The following SYN2 variants were observed in gnomAD, a reference collection of about 807,000 sequenced individuals.
The protein encoded by SYN2 is synapsin II.
Under a neutral mutation model 50.9 loss-of-function variants are expected in SYN2, and 19 were observed. The ratio of observed to expected loss-of-function variants is 0.37; its 90% CI spans 0.26 to 0.55. The LOEUF (loss-of-function observed/expected upper bound fraction) is 0.55. Among genes scored for constraint, SYN2 ranks in the 20% least tolerant of loss-of-function variants. The probability of loss-of-function intolerance (pLI) is 0.81; values close to 1 mark genes in which losing one functional copy is unlikely to be tolerated. For missense variants in SYN2, 587 were observed against 576.4 expected, an observed-to-expected ratio of 1.02 and a Z score of -0.19; for synonymous variants, 255 against 224.9, an observed-to-expected ratio of 1.13 and a Z score of -1.20.
At chr3:12,097,048 G>A (rs989908707) in intron 1 of SYN2, among the ~76,000 whole-genome samples, 2 of 152,148 alleles carry the variant, frequency 1.3e-5, no homozygotes, top group Non-Finnish European at 2.9e-5. Flanking sequence ...TGGAGAAATA[G>A]GAACACTTTT....
intron 4 of SYN2, among the ~76,000 whole-genome samples, chr3:12,150,144 C>A (rs1471535842): frequency 6.6e-6 from 1 of 152,192 alleles, no homozygotes; most frequent in Non-Finnish European, 1.5e-5. Flanking sequence ...AATGTTCTAG[C>A]CTTCCTTTCT....
rs750769489 is a variant in SYN2, at chr3:12,161,560, G to A, written c.789G>A (p.Thr263=). 24 of 1,613,854 alleles carry A rather than the reference G, an allele frequency of 1.5e-5. No homozygotes were observed. The highest frequency in any genetic ancestry group is 6.7e-5 in the African/African-American group (5 of 74,906). Residue 263 remains threonine, a synonymous_variant, in exon 6 of 13, where the codon ACG becomes ACA. Coordinates refer to ENST00000621198, the MANE Select transcript of SYN2 (RefSeq NM_133625.6). ...TCTGATTTCAGCTGACACTGCCCACGTTCCCTGTGGTGGTGAAGATTGGCC... is the reference window on the plus strand; with the variant it reads ...TCTGATTTCAGCTGACACTGCCCACATTCCCTGTGGTGGTGAAGATTGGCC... ...PNHKEMLTLP[T]FPVVVKIGHA...
intron 1 of SYN2, among the ~76,000 whole-genome samples, chr3:12,056,490 T>C (rs555771128): frequency 1.3e-5 from 2 of 152,026 alleles, no homozygotes; most frequent in East Asian, 3.9e-4. Flanking sequence ...AAGAAAAAAA[T>C]GTTTTCTGTT....
intron 11 of SYN2, among the ~76,000 whole-genome samples, chr3:12,186,462 T>G (rs1218786426): frequency 6.6e-6 from 1 of 152,120 alleles, no homozygotes; most frequent in Non-Finnish European, 1.5e-5. Context: ...CTGTTCCTTT[T>G]TAGGGGGGCT....
intron 1 of SYN2, among the ~76,000 whole-genome samples, chr3:12,047,150 GA>G (rs1694757910): frequency 8.0e-6 from 1 of 125,226 alleles, no homozygotes; most frequent in African/African-American, 4.2e-5. Flanking sequence ...TATGGAAAGA[GA>G]AGAATACTTA....
intron 1 of SYN2, among the ~76,000 whole-genome samples, chr3:12,108,150 C>T (rs1171133721): frequency 1.3e-5 from 2 of 151,812 alleles, no homozygotes; most frequent in East Asian, 3.9e-4. Flanking sequence ...GTCCAGGCTG[C>T]AGTGAGCCAT....
intron 11 of SYN2, among the ~76,000 whole-genome samples, chr3:12,186,077 G>A (rs17793495): frequency 0.034 from 5,226 of 152,234 alleles, 134 homozygotes; most frequent in Middle Eastern, 0.099. Context: ...GATAGTCATG[G>A]GTGCACAGTG....
intron 1 of SYN2, among the ~76,000 whole-genome samples, chr3:12,105,512 G>C (rs969360480): frequency 3.1e-5 from 4 of 128,316 alleles, no homozygotes; most frequent in Non-Finnish European, 5.0e-5. Flanking sequence ...TCTTCTAGTG[G>C]TGTTTGTCCT....
chr3:12,131,149 C>G (rs1696789660), intron 1 of SYN2, among the ~76,000 whole-genome samples: 1 of 152,142 alleles, frequency 6.6e-6, no homozygotes, highest in Admixed American at 6.5e-5. Context: ...ATCCAAGTGC[C>G]CTGGTGCAGG....
chr3:12,117,576 T>G (rs1267639773), intron 1 of SYN2, among the ~76,000 whole-genome samples: 1 of 152,220 alleles, frequency 6.6e-6, no homozygotes, highest in Non-Finnish European at 1.5e-5. Flanking sequence ...GACAGAGAAC[T>G]AACTCTATCC....
intron 1 of SYN2, among the ~76,000 whole-genome samples, chr3:12,023,828 G>A (rs1410560755): frequency 5.3e-5 from 8 of 152,098 alleles, no homozygotes; most frequent in African/African-American, 1.4e-4. Flanking sequence ...TTGGTTGTCC[G>A]TCTGTGAGGT....
At chr3:12,005,064 G>A (rs910945346) in intron 1 of SYN2, 136 bp downstream of exon 1, 7 of 387,946 alleles carry the variant, frequency 1.8e-5, no homozygotes, top group African/African-American at 1.5e-4. Flanking sequence ...GCTGGGAGGA[G>A]GTGCGGGCTG....
At chr3:12,065,316 A>G (rs1365787231) in intron 1 of SYN2, among the ~76,000 whole-genome samples, 1 of 152,118 alleles carries the variant, frequency 6.6e-6, no homozygotes, top group Non-Finnish European at 1.5e-5. Context: ...AGAACTTAAA[A>G]CAGAACTACT....
intron 10 of SYN2, among the ~76,000 whole-genome samples, chr3:12,172,455 A>G (rs1460293740): frequency 6.6e-6 from 1 of 152,242 alleles, no homozygotes; most frequent in African/African-American, 2.4e-5. Context: ...ACAGTATATT[A>G]TGGGGAACGG....
intron 1 of SYN2, among the ~76,000 whole-genome samples, chr3:12,096,716 G>T (rs1236629342): frequency 2.6e-5 from 4 of 152,070 alleles, no homozygotes; most frequent in African/African-American, 9.7e-5. Context: ...GAGTGTGTGT[G>T]TGTAACTCTC....
chr3:12,072,901 T>C (rs1023914517), intron 1 of SYN2, among the ~76,000 whole-genome samples: 3 of 152,226 alleles, frequency 2.0e-5, no homozygotes, highest in Non-Finnish European at 2.9e-5. Flanking sequence ...AATTGTCTGC[T>C]CAAGTTTAAA....
intron 1 of SYN2, among the ~76,000 whole-genome samples, chr3:12,064,083 C>G (rs1404624542): frequency 6.6e-6 from 1 of 151,896 alleles, no homozygotes; most frequent in Non-Finnish European, 1.5e-5. Context: ...AGTGTATACC[C>G]TTGACATGTG....
intron 1 of SYN2, among the ~76,000 whole-genome samples, chr3:12,009,070 A>G (rs981009272): frequency 6.6e-6 from 1 of 152,230 alleles, no homozygotes; most frequent in African/African-American, 2.4e-5. Context: ...AGAACACTCA[A>G]ATAAGGTTTG....
At chr3:12,172,652 G>A (rs1559453505) in intron 10 of SYN2, among the ~76,000 whole-genome samples, 2 of 152,142 alleles carry the variant, frequency 1.3e-5, no homozygotes, top group Admixed American at 1.3e-4. Flanking sequence ...TTTTTATTGG[G>A]GCTTCATGAT....
Sources: gnomAD v4.1 joint callset for allele counts (sites outside exome capture counted in the v4.1 genomes callset) on GRCh38, gnomAD v4.1.1 for gene constraint, MANE v1.5 for transcripts, NCBI Gene and HGNC (gene_info 2026-07-23, HGNC 2026-07-21) for gene names.